GNB3: variants seen among roughly 807,000 people sequenced by gnomAD.
GNB3 encodes the protein guanine nucleotide-binding protein G(I)/G(S)/G(T) subunit beta-3.
GNB3 carries 33 observed loss-of-function variants against 41.2 expected under a neutral mutation model. The observed-to-expected ratio is 0.80, with a 90% confidence interval of 0.61 to 1.07. The LOEUF is 1.07. Among genes scored for constraint, GNB3 ranks in the 50% least tolerant of loss-of-function variants. GNB3 has a pLI of 0.00. For missense variants in GNB3, 409 were observed against 455.3 expected (o/e 0.90, Z 0.92); for synonymous variants, 172 against 173.4 (o/e 0.99, Z 0.06).
chr12:6,841,275 C>A lies in GNB3; in HGVS notation c.-13C>A. ...CCTGGCAGGAGCCAGAGTGACCCCT[C>A]GACCTGTCAGCCATGGGGGAGATGG... On this transcript the variant is annotated 5_prime_UTR_variant, in exon 2 of 10. Transcript: ENST00000229264. 1 of 1,610,964 alleles carries A rather than the reference C, an allele frequency of 6.2e-7. No individual in the cohort carries two copies. The highest frequency in any genetic ancestry group is 8.5e-7 in the Non-Finnish European group (1 of 1,178,116).
Position 6,843,299 on chromosome 12 carries a change from C to A in GNB3, c.267+62C>A. On this transcript the variant is annotated intron_variant, in intron 5 of 9. Coordinates refer to ENST00000229264, the MANE Select transcript of GNB3 (RefSeq NM_002075.4). This position sits in a 1 kb window ranked among gnomAD's most constrained non-coding sequence, Gnocchi z 5.9. ...TCCTTCCTAAGGGCGCCATGCCTAC[C>A]CTCCTGTGCCCAGCTGGGAGCTTGG... is the stretch of plus-strand genomic sequence containing the variant. 1 of 1,609,818 alleles carries A rather than the reference C, an allele frequency of 6.2e-7. No homozygotes were observed. Among genetic ancestry groups the A allele is most frequent in the Non-Finnish European group, 8.5e-7 (1 of 1,176,166 alleles).
intron 8 of GNB3, 113 bp downstream of exon 8, chr12:6,844,091 G>GTCTGT: frequency 1.5e-5 from 4 of 258,256 alleles, no homozygotes; most frequent in Admixed American, 1.3e-4. Context: ...CTTTCTTACT[G>GTCTGT]TATTTTTTTT....
chr12:6,844,095 T>TTA, intron 8 of GNB3, 117 bp downstream of exon 8: 1 of 247,038 alleles, frequency 4.0e-6, no homozygotes, highest in Non-Finnish European at 7.2e-6. Context: ...CTTACTGTAT[T>TTA]TTTTTTTTTT....
intron 3 of GNB3, 84 bp from the exon 4 acceptor site, chr12:6,842,886 G>C (rs1555123663): frequency 1.2e-6 from 1 of 869,222 alleles, no homozygotes; most frequent in Non-Finnish European, 1.8e-6. Flanking sequence ...GCACAGAGCG[G>C]GAACTTGTAT....
At position 6,844,091 on chromosome 12, in the gene GNB3, G is replaced by GTCTT. The variant is rs1432718669; in HGVS notation, c.699+114_699+115insCTTT. ...ATAGCTTCCCTAGCCCTTTCTTACT[G>GTCTT]TATTTTTTTTTTTTTTTTTTTTTTT... On this transcript the variant is annotated intron_variant, in intron 8 of 9. Transcript: ENST00000229264. The GTCTT allele has an allele frequency of 0.014, 3,674 of 258,328 alleles. 815 individuals carry two copies. Among genetic ancestry groups the GTCTT allele is most frequent in the African/African-American group, 0.048 (1,126 of 23,420 alleles). 16.0% of individuals were successfully genotyped at this position (258,328 alleles called of 1,614,324 possible).
intron 9 of GNB3, chr12:6,846,429 C>G (rs1239066407): frequency 1.0e-5 from 2 of 192,688 alleles, no homozygotes; most frequent in Non-Finnish European, 2.1e-5. Context: ...TCAAGGTGCC[C>G]TCGGGTTTTT....
chr12:6,845,617 G>T lies in GNB3; in HGVS notation c.731G>T (p.Gly244Val), dbSNP rs905833609. Residue 244 changes from glycine to valine, a missense_variant, in exon 9 of 10, where the codon GGC becomes GTC. Physicochemically the swap from Gly to Val is moderately radical, Grantham distance 109. Transcript: ENST00000229264. ...FFPNGEAICTGSDDASCRLFD... is the reference protein window; with the variant it reads ...FFPNGEAICTVSDDASCRLFD... ...CCCAATGGAGAGGCCATCTGCACGGGCTCGGATGACGCTTCCTGCCGCTTG... is the reference window on the plus strand; with the variant it reads ...CCCAATGGAGAGGCCATCTGCACGGTCTCGGATGACGCTTCCTGCCGCTTG... 3.0e-5 allele frequency: 49 copies of T among 1,612,714 alleles called. No homozygotes were observed. Among genetic ancestry groups the T allele is most frequent in the Non-Finnish European group, 4.0e-5 (47 of 1,179,890 alleles).
intron 9 of GNB3, 195 bp from the exon 10 acceptor site, chr12:6,846,597 G>A: frequency 2.0e-6 from 1 of 510,942 alleles, no homozygotes; most frequent in Non-Finnish European, 3.5e-6. Context: ...TAGGATCCCT[G>A]CATGCATGTG....
At chr12:6,844,796 G>A (rs953160339) in intron 8 of GNB3, 1 of 152,192 alleles carries the variant, frequency 6.6e-6, no homozygotes, top group Non-Finnish European at 1.5e-5. Flanking sequence ...TACACACTTA[G>A]ATGTAGATAT....
intron 9 of GNB3, chr12:6,846,034 C>T (rs1555124641): frequency 5.5e-6 from 3 of 543,222 alleles, no homozygotes; most frequent in Non-Finnish European, 9.9e-6. Flanking sequence ...TGACTGCTCC[C>T]TGCCCTAGGA....
chr12:6,844,089 C>CTTTCTT (rs1943631669), intron 8 of GNB3, 111 bp downstream of exon 8: 1 of 377,278 alleles, frequency 2.7e-6, no homozygotes, highest in Non-Finnish European at 4.3e-6. Flanking sequence ...CCCTTTCTTA[C>CTTTCTT]TGTATTTTTT....
chr12:6,846,797 C>T lies in GNB3; in HGVS notation c.922C>T (p.Leu308Phe), dbSNP rs1555124836. 1 of 1,584,644 alleles carries T rather than the reference C, an allele frequency of 6.3e-7. No homozygotes were observed. Among genetic ancestry groups the T allele is most frequent in the East Asian group, 2.3e-5 (1 of 44,230 alleles). The change falls in exon 10 of 10, where the codon CTC becomes TTC. Residue 308 changes from leucine (L) to phenylalanine (F), a missense_variant. Physicochemically the swap from Leu to Phe is conservative, Grantham distance 22. Transcript: ENST00000229264. ...DSMKSERVGI[L>F]SGHDNRVSCL... ...CTCCTTTCCCTCTTCCTCAGGCATCCTCTCTGGCCACGATAACAGGGTGAG... is the reference window on the plus strand; with the variant it reads ...CTCCTTTCCCTCTTCCTCAGGCATCTTCTCTGGCCACGATAACAGGGTGAG...
Position 6,846,957 on chromosome 12 carries a change from C to A in GNB3, c.*59C>A. 1.1e-6 allele frequency: 1 copy of A among 935,224 alleles called. No homozygotes were observed. The highest frequency in any genetic ancestry group is 1.7e-6 in the Non-Finnish European group (1 of 587,378). 57.9% of individuals were successfully genotyped at this position (935,224 alleles called of 1,614,324 possible). A position where few individuals can be genotyped will look rare whatever the true frequency, so the allele number is the denominator to read the frequency against. On this transcript the variant is annotated 3_prime_UTR_variant, in exon 10 of 10. Coordinates refer to ENST00000229264, the MANE Select transcript of GNB3 (RefSeq NM_002075.4). ...ACACACTCAGCAGCCCCCTGCCCGACCCCATCTCATTCAGGTGTTCTCTTC... is the reference window on the plus strand; with the variant it reads ...ACACACTCAGCAGCCCCCTGCCCGAACCCATCTCATTCAGGTGTTCTCTTC...
rs1943721118 is a variant in GNB3 at position 6,847,078 on chromosome 12, G to A, written c.*180G>A. 3 of 580,134 alleles carry A rather than the reference G, an allele frequency of 5.2e-6. No homozygotes were observed. Among genetic ancestry groups the A allele is most frequent in the Non-Finnish European group, 9.3e-6 (3 of 321,856 alleles). 35.9% of individuals were successfully genotyped at this position (580,134 alleles called of 1,614,324 possible). ...GGGAGGCAGCATCAGGGACACAGGGGCAAAGAACTGCCCCATCTCCTCCCA... is the reference window on the plus strand; with the variant it reads ...GGGAGGCAGCATCAGGGACACAGGGACAAAGAACTGCCCCATCTCCTCCCA... On this transcript the variant is annotated 3_prime_UTR_variant, in exon 10 of 10. Coordinates refer to ENST00000229264, the MANE Select transcript of GNB3 (RefSeq NM_002075.4).
In GNB3 at chr12:6,844,010, A is replaced by G. The variant is rs183283162; in HGVS notation, c.699+32A>G. The stretch of plus-strand genomic sequence containing the variant: ...GCACCCCCCACCCCAGCTTCACTCC[A>G]ACTCCTTCCCCGACACTCCCCACAA... On this transcript the variant is annotated intron_variant, in intron 8 of 9. Coordinates refer to ENST00000229264, the MANE Select transcript of GNB3 (RefSeq NM_002075.4). 2.5e-5 allele frequency: 38 copies of G among 1,522,540 alleles called. No individual in the cohort carries two copies. In the Middle Eastern group the frequency reaches 5.2e-4, roughly 21 times the overall value. 94.3% of individuals were successfully genotyped at this position (1,522,540 alleles called of 1,614,324 possible).
intron 2 of GNB3, 61 bp from the exon 3 acceptor site, chr12:6,841,525 G>T: frequency 7.0e-7 from 1 of 1,422,424 alleles, no homozygotes; most frequent in East Asian, 2.3e-5. Flanking sequence ...CTGCCCTGAA[G>T]GCCCATGCAC....
At chr12:6,846,608 C>G (rs1212335866) in intron 9 of GNB3, 184 bp from the exon 10 acceptor site, 4 of 536,008 alleles carry the variant, frequency 7.5e-6, no homozygotes, top group Non-Finnish European at 1.0e-5. Context: ...CATGCATGTG[C>G]TCAAGCACAC....
Position 6,845,347 on chromosome 12 carries a change from G to A in GNB3, c.700-239G>A, listed in dbSNP as rs541614960. 159 of 505,612 alleles carry A rather than the reference G, an allele frequency of 3.1e-4. 1 individual carries two copies. The highest frequency in any genetic ancestry group is 1.0e-3 in the Middle Eastern group (2 of 1,908). 31.3% of individuals were successfully genotyped at this position (505,612 alleles called of 1,614,324 possible). On this transcript the variant is annotated intron_variant, in intron 8 of 9. Transcript: ENST00000229264. ...AAGCCTTGGTGCTCTTGCCTGCGAC[G>A]TGGAAATGATGCCTGCCTGCAGCGC...
In GNB3 at chr12:6,841,214, G is replaced by A. The variant is rs782624468; in HGVS notation, c.-30-44G>A. 137 of 1,279,716 alleles carry A rather than the reference G, an allele frequency of 1.1e-4. 1 individual carries two copies. Among genetic ancestry groups the A allele is most frequent in the African/African-American group, 7.8e-4 (53 of 68,166 alleles). 79.3% of individuals were successfully genotyped at this position (1,279,716 alleles called of 1,614,324 possible). On this transcript the variant is annotated intron_variant, in intron 1 of 9. Coordinates refer to ENST00000229264, the MANE Select transcript of GNB3 (RefSeq NM_002075.4). ...TGTGGGCACGAAGGGCAGAAGCACA[G>A]CCTGGTGGGGGGTTCCTCAACACCG...
Sources: allele counts gnomAD v4.1 joint callset, GRCh38; gene constraint gnomAD v4.1.1; non-coding constraint Gnocchi (gnomAD v3.1); transcripts MANE v1.5; gene names NCBI Gene and HGNC (gene_info 2026-07-23, HGNC 2026-07-21).